Variants in MIA2 observed in about 807,000 individuals in gnomAD.
MIA2 encodes the protein melanoma inhibitory activity protein 2.
In MIA2, 127 loss-of-function variants were observed where a neutral mutation model predicts 167.8. The ratio of observed to expected loss-of-function variants is 0.76; its 90% CI spans 0.66 to 0.88. The LOEUF is 0.88. Among genes scored for constraint, MIA2 ranks in the 40% least tolerant of loss-of-function variants. The pLI is 0.00. For missense variants in MIA2, 1,690 were observed against 1,624.7 expected (o/e 1.04, Z -0.69); for synonymous variants, 552 against 541.9 (o/e 1.02, Z -0.26).
intron 25 of MIA2, among the ~76,000 whole-genome samples, chr14:39,331,595 C>T (rs1247279060): frequency 2.0e-5 from 3 of 152,124 alleles, no homozygotes; most frequent in South Asian, 2.1e-4. Context: ...TGGCTGGTAG[C>T]GGTTTTTCCC....
chr14:39,329,163 C>T (rs2153002547), intron 25 of MIA2, among the ~76,000 whole-genome samples: 1 of 152,212 alleles, frequency 6.6e-6, no homozygotes, highest in South Asian at 2.1e-4. Context: ...TTGTAGTTCT[C>T]CTTGAAGAGG....
At chr14:39,375,542 A>G (rs1227708138) in intron 23 of MIA2, among the ~76,000 whole-genome samples, 3 of 152,118 alleles carry the variant, frequency 2.0e-5, no homozygotes, top group East Asian at 3.9e-4. Flanking sequence ...CTAAAAATGC[A>G]AAAAATTAGT....
chr14:39,326,057 G>C (rs543251784), intron 24 of MIA2, among the ~76,000 whole-genome samples: 3 of 152,254 alleles, frequency 2.0e-5, no homozygotes, highest in African/African-American at 7.2e-5. Flanking sequence ...TTCTGTGGTC[G>C]TAAGAAGGGA....
At chr14:39,281,019 C>A (rs1042066240) in intron 9 of MIA2, among the ~76,000 whole-genome samples, 6 of 144,614 alleles carry the variant, frequency 4.1e-5, no homozygotes, top group Non-Finnish European at 9.0e-5. Flanking sequence ...ACTTCCTGGA[C>A]TCAGGTGATC....
At chr14:39,273,996 T>G (rs2057555150) in intron 6 of MIA2, among the ~76,000 whole-genome samples, 1 of 152,224 alleles carries the variant, frequency 6.6e-6, no homozygotes, top group Non-Finnish European at 1.5e-5. Context: ...ATTCTTTTTG[T>G]TATTAGTATA....
intron 2 of MIA2, among the ~76,000 whole-genome samples, chr14:39,238,727 GA>G (rs1312233932): frequency 7.4e-6 from 1 of 134,350 alleles, no homozygotes; most frequent in Non-Finnish European, 1.5e-5. Context: ...CCCAGAGGTA[GA>G]GGCTGCAGTG....
intron 6 of MIA2, among the ~76,000 whole-genome samples, chr14:39,259,330 G>A (rs1306268553): frequency 6.6e-6 from 1 of 152,132 alleles, no homozygotes; most frequent in East Asian, 1.9e-4. Flanking sequence ...GTTCCACCCA[G>A]TCCAGACCGC....
At chr14:39,314,644 T>G (rs2065004154) in intron 19 of MIA2, 95 bp from the exon 20 acceptor site, 4 of 440,038 alleles carry the variant, frequency 9.1e-6, no homozygotes, top group Non-Finnish European at 1.5e-5. Context: ...AAGTAGAGCA[T>G]TCTGGGTTTT....
At chr14:39,268,585 G>T (rs961483234) in intron 6 of MIA2, among the ~76,000 whole-genome samples, 1 of 152,194 alleles carries the variant, frequency 6.6e-6, no homozygotes, top group Admixed American at 6.5e-5. Context: ...AATGATGCTT[G>T]CCGGAGATGT....
chr14:39,364,256 G>A (rs1208174503), intron 23 of MIA2, among the ~76,000 whole-genome samples: 1 of 152,064 alleles, frequency 6.6e-6, no homozygotes, highest in African/African-American at 2.4e-5. Context: ...TACTCAGGAG[G>A]CTGAGGCAGG....
In MIA2 at chr14:39,347,719, C is replaced by T. The variant is rs902848085; in HGVS notation, c.3785C>T (p.Ser1262Leu). 4.4e-6 allele frequency: 7 copies of T among 1,607,230 alleles called. No homozygotes were observed. Among genetic ancestry groups the T allele is most frequent in the Non-Finnish European group, 6.0e-6 (7 of 1,176,442 alleles). ...NMPSLDKMDG[S>L]MPSEMESSRN... is the part of the protein sequence containing the mutation. The stretch of plus-strand genomic sequence containing the variant: ...GTTTAACTTTTATGTCTAGATGGGT[C>T]AATGCCTTCAGAAATGGAATCCAGT... Residue 1262 changes from serine to leucine, a missense_variant, in exon 27 of 29, where the codon TCA becomes TTA. Coordinates refer to ENST00000640607, the MANE Select transcript of MIA2 (RefSeq NM_001329214.4).
chr14:39,290,275 C>A (rs1046371521), intron 9 of MIA2, among the ~76,000 whole-genome samples: 1 of 152,144 alleles, frequency 6.6e-6, no homozygotes, highest in Non-Finnish European at 1.5e-5. Flanking sequence ...TCCCACTTCT[C>A]TCACAAATTC....
At chr14:39,379,953 C>T (rs947300491) in intron 23 of MIA2, among the ~76,000 whole-genome samples, 1 of 151,682 alleles carries the variant, frequency 6.6e-6, no homozygotes, top group African/African-American at 2.4e-5. Context: ...CCCACCACCT[C>T]CTGCAGTGTG....
chr14:39,313,425 G>C lies in MIA2; in HGVS notation c.3103G>C (p.Glu1035Gln), dbSNP rs774358057. 1.3e-6 allele frequency: 2 copies of C among 1,598,726 alleles called. No homozygotes were observed. Among genetic ancestry groups the C allele is most frequent in the Non-Finnish European group, 1.7e-6 (2 of 1,171,416 alleles). ...VDEKISHATE[E>Q]LETYRKRAKD... ...TGAAAAGATCAGCCATGCCACTGAA[G>C]AGCTGGAGACCTATAGGTATTAAAT... The change falls in exon 19 of 29, where the codon GAG becomes CAG. Residue 1035 changes from glutamate to glutamine, a missense_variant. By Grantham distance (29) the Glu-to-Gln change is conservative. Coordinates refer to ENST00000640607, the MANE Select transcript of MIA2 (RefSeq NM_001329214.4).
intron 24 of MIA2, 110 bp downstream of exon 24, chr14:39,321,166 C>T: frequency 1.0e-6 from 1 of 988,260 alleles, no homozygotes; most frequent in Non-Finnish European, 1.5e-6. Flanking sequence ...ACAGGCATTC[C>T]TTGCACTTAC....
At chr14:39,352,239 C>G (rs2074408311), downstream of MIA2, among the ~76,000 whole-genome samples, 1 of 145,172 alleles carries the variant, frequency 6.9e-6, no homozygotes, top group Non-Finnish European at 1.5e-5. Context: ...ATCATGGAGG[C>G]CTGCTGCAAA....
rs140303188 is a variant in MIA2 at position 39,302,834 on chromosome 14, A to G, written c.2740+585A>G. On this transcript the variant is annotated intron_variant, in intron 15 of 28. Coordinates refer to ENST00000640607, the MANE Select transcript of MIA2 (RefSeq NM_001329214.4). Reference sequence around the variant, plus strand: ...TATTTTGAAATATGGCATCATAGGAAGTTCTAAAACTAGTACAGAGGTCCC... The same window carrying G: ...TATTTTGAAATATGGCATCATAGGAGGTTCTAAAACTAGTACAGAGGTCCC... Among the ~76,000 whole-genome samples, 1,093 of 152,158 alleles carry G rather than the reference A, an allele frequency of 7.2e-3. 12 individuals carry two copies. The highest frequency in any genetic ancestry group is 8.1e-3 in the Non-Finnish European group (548 of 67,910).
chr14:39,272,534 C>G (rs931723683), intron 6 of MIA2, among the ~76,000 whole-genome samples: 2 of 152,202 alleles, frequency 1.3e-5, no homozygotes, highest in African/African-American at 4.8e-5. Context: ...TGGGGTTTCA[C>G]TAGGGACCCG....
intron 7 of MIA2, among the ~76,000 whole-genome samples, chr14:39,277,951 C>T (rs1383706683): frequency 6.6e-6 from 1 of 150,472 alleles, no homozygotes; most frequent in Non-Finnish European, 1.5e-5. Flanking sequence ...TGTCACTCTG[C>T]CCAGCTTCAT....
Sources: allele counts gnomAD v4.1 joint callset (sites outside exome capture counted in the v4.1 genomes callset), GRCh38; gene constraint gnomAD v4.1.1; transcripts MANE v1.5; gene names NCBI Gene and HGNC (gene_info 2026-07-23, HGNC 2026-07-21).